Variants in SORD observed in about 807,000 individuals in gnomAD.
SORD encodes sorbitol dehydrogenase.
In SORD, 18 loss-of-function variants were observed where a neutral mutation model predicts 35.6. The ratio of observed to expected loss-of-function variants is 0.51; its 90% CI spans 0.35 to 0.75. SORD has a LOEUF of 0.75. Ranked by LOEUF, SORD falls within the 30% of genes least tolerant of loss-of-function variation. The pLI, the probability that SORD is intolerant of heterozygous loss-of-function variation, is 0.01. For missense variants in SORD, 250 were observed against 390.2 expected, an observed-to-expected ratio of 0.64 and a Z score of 3.03; for synonymous variants, 106 against 152.9, an observed-to-expected ratio of 0.69 and a Z score of 2.26.
chr15:45,023,197 T>C lies in SORD; in HGVS notation c.-87T>C. ...CTCCCAGGCCCCACCTTCCATCCAG[T>C]GCCCTGGACCCTCGGCTGGGTAGCG... On this transcript the variant is annotated 5_prime_UTR_variant, in exon 1 of 9. Coordinates refer to ENST00000267814, the MANE Select transcript of SORD (RefSeq NM_003104.6). 1 of 1,141,374 alleles carries C rather than the reference T, an allele frequency of 8.8e-7. No individual in the cohort carries two copies. Among genetic ancestry groups the C allele is most frequent in the Non-Finnish European group, 1.2e-6 (1 of 843,074 alleles). The allele number at this position is 1,141,374 out of a possible 1,614,324, so 70.7% of individuals were successfully genotyped here.
intron 2 of SORD, among the ~76,000 whole-genome samples, chr15:45,041,382 C>A (rs1892963522): frequency 6.6e-6 from 1 of 152,078 alleles, no homozygotes. Flanking sequence ...CCCCCTCTCA[C>A]ACCTAGACAG....
At chr15:45,069,900 AGC>A (rs1385022371) in intron 7 of SORD, 5 of 152,188 alleles carry the variant, frequency 3.3e-5, no homozygotes, top group African/African-American at 1.2e-4. Context: ...CTCGCCCCTC[AGC>A]GACCCACCAG....
chr15:45,060,531 G>T (rs1003002309), intron 3 of SORD, among the ~76,000 whole-genome samples: 2 of 152,132 alleles, frequency 1.3e-5, no homozygotes, highest in South Asian at 2.1e-4. Context: ...CCAGGAATCA[G>T]TTGACTCCTA....
chr15:45,039,014 G>A (rs1429994736), intron 1 of SORD, among the ~76,000 whole-genome samples: 11 of 152,178 alleles, frequency 7.2e-5, no homozygotes, highest in Non-Finnish European at 1.2e-4. Context: ...CCTTGACCAA[G>A]TTATTTAACT....
In SORD at chr15:45,061,040, T is replaced by G. The variant is rs781344290; in HGVS notation, c.266-27T>G. 43 of 1,613,792 alleles carry G rather than the reference T, an allele frequency of 2.7e-5. No individual in the cohort carries two copies. The South Asian group carries it at 4.6e-4, about 17-fold the overall frequency. On this transcript the variant is annotated intron_variant, in intron 3 of 8. Coordinates refer to ENST00000267814, the MANE Select transcript of SORD (RefSeq NM_003104.6). The stretch of plus-strand genomic sequence containing the variant: ...CAGACTCTGCTCCCACCCTCGGACA[T>G]GGTGCCATCTTTGTTTTCCTCTCCA...
At chr15:45,055,172 A>G (rs888666970) in intron 3 of SORD, among the ~76,000 whole-genome samples, 3 of 152,158 alleles carry the variant, frequency 2.0e-5, no homozygotes, top group African/African-American at 7.2e-5. Flanking sequence ...GTTTTTTCCA[A>G]TTCTGTAAAG....
intron 1 of SORD, chr15:45,036,275 A>T: frequency 2.2e-6 from 1 of 449,160 alleles, no homozygotes; most frequent in Non-Finnish European, 4.5e-6. Flanking sequence ...CAAAGAGAGG[A>T]GTATATATGT....
At chr15:45,027,866 T>G (rs1892702269) in intron 1 of SORD, among the ~76,000 whole-genome samples, 1 of 152,258 alleles carries the variant, frequency 6.6e-6, no homozygotes, top group African/African-American at 2.4e-5. Flanking sequence ...GGTAAGGAAA[T>G]GCGGGGAATT....
At chr15:45,071,714 C>G (rs1035140464) in intron 7 of SORD, among the ~76,000 whole-genome samples, 5 of 147,280 alleles carry the variant, frequency 3.4e-5, no homozygotes, top group East Asian at 2.0e-4. Flanking sequence ...GCCTGTGACC[C>G]ACTCCAAGTG....
intron 5 of SORD, among the ~76,000 whole-genome samples, chr15:45,065,847 G>A (rs952150036): frequency 1.3e-5 from 2 of 152,124 alleles, no homozygotes; most frequent in Admixed American, 1.3e-4. Context: ...TTGAGCCTGG[G>A]AGGTCAAGGG....
chr15:45,042,532 G>A, intron 2 of SORD: 1 of 142,534 alleles, frequency 7.0e-6, no homozygotes, highest in African/African-American at 2.6e-5. Flanking sequence ...ATAAATAAAG[G>A]AAAGAAAACA....
In SORD at chr15:45,040,392, A is replaced by G. The variant is rs557479832; in HGVS notation, c.67-16A>G. The G allele has an allele frequency of 9.6e-6, 14 of 1,455,466 alleles. No homozygotes were observed. Among genetic ancestry groups the G allele is most frequent in the Non-Finnish European group, 1.3e-5 (14 of 1,040,998 alleles). 90.2% of individuals were successfully genotyped at this position (1,455,466 alleles called of 1,614,324 possible). On this transcript the variant is annotated splice_polypyrimidine_tract_variant and intron_variant, in intron 1 of 8. Transcript: ENST00000267814. ...TTATGCATGCTAAATGATTTTTTCA[A>G]TTTTGTTTCTTTTAGGAGAACTATC...
At chr15:45,040,292 T>A in intron 1 of SORD, 116 bp from the exon 2 acceptor site, 1 of 741,514 alleles carries the variant, frequency 1.3e-6, no homozygotes, top group Non-Finnish European at 2.3e-6. Context: ...TGAGCTTGTG[T>A]TAATTCTAAG....
At chr15:45,063,576 G>A (rs1431356957) in intron 4 of SORD, among the ~76,000 whole-genome samples, 1 of 152,124 alleles carries the variant, frequency 6.6e-6, no homozygotes, top group African/African-American at 2.4e-5. Context: ...TGGCTGTGTT[G>A]GGTGCAGGCG....
intron 7 of SORD, among the ~76,000 whole-genome samples, chr15:45,069,689 A>G (rs1893477935): frequency 6.6e-6 from 1 of 152,238 alleles, no homozygotes; most frequent in African/African-American, 2.4e-5. Context: ...AAGACCAAGA[A>G]GAAAAACAGG....
At chr15:45,063,259 T>C (rs1893351430) in intron 4 of SORD, among the ~76,000 whole-genome samples, 1 of 152,048 alleles carries the variant, frequency 6.6e-6, no homozygotes. Flanking sequence ...TTTGTATCTA[T>C]TTTCTTTCTA....
chr15:45,057,488 TAGAA>T lies in SORD; in HGVS notation c.266-3571_266-3568del, dbSNP rs1013719350. Among the ~76,000 whole-genome samples, 17 of 152,284 alleles carry T rather than the reference TAGAA, an allele frequency of 1.1e-4. 1 individual carries two copies. Among genetic ancestry groups the T allele is most frequent in the Admixed American group, 4.6e-4 (7 of 15,276 alleles). On this transcript the variant is annotated intron_variant, in intron 3 of 8. Transcript: ENST00000267814. Reference sequence around the variant, plus strand: ...CTAAGTAGAATAAAAGTTTTATGAATAGAAAGAAAGATTTGGCTGGGCGTGGTGG... The same window carrying T: ...CTAAGTAGAATAAAAGTTTTATGAATAGAAAGATTTGGCTGGGCGTGGTGG...
intron 1 of SORD, among the ~76,000 whole-genome samples, chr15:45,031,806 G>A (rs1413437323): frequency 7.1e-6 from 1 of 141,742 alleles, no homozygotes; most frequent in African/African-American, 2.5e-5. Context: ...CACAGCAGGT[G>A]TTGTCATCTC....
chr15:45,063,813 T>G (rs185135998), intron 4 of SORD, among the ~76,000 whole-genome samples: 80 of 152,062 alleles, frequency 5.3e-4, no homozygotes, highest in Admixed American at 1.4e-3. Flanking sequence ...CATTTTCACC[T>G]TTTTCCTATT....
Sources: allele counts gnomAD v4.1 joint callset (sites outside exome capture counted in the v4.1 genomes callset), GRCh38; gene constraint gnomAD v4.1.1; transcripts MANE v1.5; gene names NCBI Gene and HGNC (gene_info 2026-07-23, HGNC 2026-07-21).